Variants in KCNQ5 observed in about 807,000 individuals in gnomAD.
The protein encoded by KCNQ5 is potassium voltage-gated channel subfamily Q member 5.
A neutral mutation model predicts 98.2 loss-of-function variants in KCNQ5; 30 were observed. That is an observed-to-expected ratio of 0.31 (90% CI 0.23 to 0.41). The LOEUF (loss-of-function observed/expected upper bound fraction) is 0.41. Ranked by LOEUF, KCNQ5 falls within the 10% of genes least tolerant of loss-of-function variation. The probability of loss-of-function intolerance (pLI) is 1.00; values close to 1 mark genes in which losing one functional copy is unlikely to be tolerated. For synonymous variants in KCNQ5, 458 were observed against 449.4 expected, an observed-to-expected ratio of 1.02 and a Z score of -0.24; for missense variants, 835 against 1,182.5, an observed-to-expected ratio of 0.71 and a Z score of 4.31.
intron 1 of KCNQ5, among the ~76,000 whole-genome samples, chr6:72,771,012 G>A (rs760551172): frequency 6.6e-6 from 1 of 152,044 alleles, no homozygotes; most frequent in African/African-American, 2.4e-5. Context: ...GGAAGGGGGC[G>A]GGGAATTATA....
chr6:73,161,150 A>G (rs1777603043), intron 10 of KCNQ5, among the ~76,000 whole-genome samples: 1 of 152,222 alleles, frequency 6.6e-6, no homozygotes, highest in Non-Finnish European at 1.5e-5. Context: ...AAATCCTGTC[A>G]TTTGCAGCAA....
At chr6:72,848,278 G>A (rs1016756348) in intron 1 of KCNQ5, among the ~76,000 whole-genome samples, 2 of 151,598 alleles carry the variant, frequency 1.3e-5, no homozygotes, top group African/African-American at 4.8e-5. Context: ...ATGGTGGTTT[G>A]CTGCATCTAT....
intron 2 of KCNQ5, among the ~76,000 whole-genome samples, chr6:73,032,638 T>C (rs1771201575): frequency 6.6e-6 from 1 of 152,208 alleles, no homozygotes; most frequent in Non-Finnish European, 1.5e-5. Flanking sequence ...GTTGCACTGG[T>C]TAATTTGTGA....
chr6:72,979,453 G>T (rs989474428), intron 1 of KCNQ5, among the ~76,000 whole-genome samples: 2 of 152,098 alleles, frequency 1.3e-5, no homozygotes, highest in Non-Finnish European at 2.9e-5. Context: ...TCATGTGTCT[G>T]TTGGCTGCAT....
At chr6:73,042,738 G>A (rs1461028885) in intron 3 of KCNQ5, among the ~76,000 whole-genome samples, 1 of 152,024 alleles carries the variant, frequency 6.6e-6, no homozygotes, top group African/African-American at 2.4e-5. Context: ...CATTCACCTG[G>A]GTTCTAGCTT....
intron 1 of KCNQ5, among the ~76,000 whole-genome samples, chr6:72,841,080 C>T (rs1776767371): frequency 6.6e-6 from 1 of 152,104 alleles, no homozygotes; most frequent in Admixed American, 6.5e-5. Context: ...ATAGAATTGC[C>T]AAGAAAGTCC....
At chr6:72,874,584 A>G (rs1320043217) in intron 1 of KCNQ5, among the ~76,000 whole-genome samples, 1 of 152,148 alleles carries the variant, frequency 6.6e-6, no homozygotes, top group Non-Finnish European at 1.5e-5. Flanking sequence ...AAAAAGAGCC[A>G]AAAGGCCTTT....
At chr6:73,014,330 CAA>C (rs1770219671) in intron 2 of KCNQ5, among the ~76,000 whole-genome samples, 1 of 152,008 alleles carries the variant, frequency 6.6e-6, no homozygotes, top group Non-Finnish European at 1.5e-5. Flanking sequence ...ATATTATTTG[CAA>C]AATTCTTATT....
At chr6:73,052,301 C>G (rs577750205) in intron 3 of KCNQ5, among the ~76,000 whole-genome samples, 1 of 152,198 alleles carries the variant, frequency 6.6e-6, no homozygotes, top group Non-Finnish European at 1.5e-5. Flanking sequence ...AAGCAAGCAA[C>G]TTGGAGAACA....
intron 11 of KCNQ5, among the ~76,000 whole-genome samples, chr6:73,188,982 C>CAAAAA (rs67431655): frequency 1.7e-4 from 14 of 82,412 alleles, no homozygotes; most frequent in African/African-American, 4.0e-4. Flanking sequence ...GACTCTGTCT[C>CAAAAA]AAAAAAAAAA....
At chr6:72,827,114 C>G (rs1776036439) in intron 1 of KCNQ5, among the ~76,000 whole-genome samples, 1 of 152,090 alleles carries the variant, frequency 6.6e-6, no homozygotes, top group Admixed American at 6.6e-5. Context: ...TTTTCTTGAT[C>G]CATTCATCTG....
intron 1 of KCNQ5, among the ~76,000 whole-genome samples, chr6:72,681,153 C>T (rs576079683): frequency 3.3e-5 from 5 of 152,162 alleles, no homozygotes; most frequent in East Asian, 3.9e-4. Context: ...GCACGCAGAT[C>T]CTGCATGTTT....
intron 5 of KCNQ5, among the ~76,000 whole-genome samples, chr6:73,090,789 T>C (rs1420982501): frequency 6.6e-6 from 1 of 152,184 alleles, no homozygotes; most frequent in Non-Finnish European, 1.5e-5. Flanking sequence ...CTCAAGCCAG[T>C]TAGAATGGCG....
At chr6:72,892,345 T>C (rs1038332448) in intron 1 of KCNQ5, among the ~76,000 whole-genome samples, 2 of 152,170 alleles carry the variant, frequency 1.3e-5, no homozygotes, top group African/African-American at 4.8e-5. Context: ...ATAGGTCAAG[T>C]TTGATCAGAT....
At chr6:72,975,027 A>T (rs951484935) in intron 1 of KCNQ5, among the ~76,000 whole-genome samples, 3 of 151,718 alleles carry the variant, frequency 2.0e-5, no homozygotes, top group Non-Finnish European at 4.4e-5. Context: ...GTGAACCACC[A>T]CTCCCGACCC....
chr6:72,688,618 C>G (rs1425325537), intron 1 of KCNQ5, among the ~76,000 whole-genome samples: 1 of 152,144 alleles, frequency 6.6e-6, no homozygotes, highest in Non-Finnish European at 1.5e-5. Context: ...ATGTTCAATA[C>G]AGTTGAGGTT....
chr6:72,821,280 T>A (rs573066380), intron 1 of KCNQ5, among the ~76,000 whole-genome samples: 1 of 152,334 alleles, frequency 6.6e-6, no homozygotes, highest in African/African-American at 2.4e-5. Context: ...TCCTATTTCA[T>A]ACACTCCAAC....
intron 1 of KCNQ5, among the ~76,000 whole-genome samples, chr6:72,931,600 G>C (rs1214022218): frequency 6.6e-6 from 1 of 152,188 alleles, no homozygotes. Flanking sequence ...TAAGTCAGCA[G>C]GTGGGAAAGC....
intron 1 of KCNQ5, among the ~76,000 whole-genome samples, chr6:72,651,422 G>A (rs1765871706): frequency 6.6e-6 from 1 of 152,114 alleles, no homozygotes; most frequent in South Asian, 2.1e-4. Context: ...TACATGGGGT[G>A]TGGTAGAATT....
Sources: allele counts gnomAD v4.1 joint callset (sites outside exome capture counted in the v4.1 genomes callset), GRCh38; gene constraint gnomAD v4.1.1; transcripts MANE v1.5; gene names NCBI Gene and HGNC (gene_info 2026-07-23, HGNC 2026-07-21).